PRRC2C: variants seen among roughly 807,000 people sequenced by gnomAD.
PRRC2C encodes the protein protein PRRC2C.
PRRC2C carries 72 observed loss-of-function variants against 317.2 expected under a neutral mutation model. The ratio of observed to expected loss-of-function variants is 0.23; its 90% CI spans 0.19 to 0.28. PRRC2C has a LOEUF of 0.28. PRRC2C is among the 10% of genes least tolerant of loss of function. The pLI, the probability that PRRC2C is intolerant of heterozygous loss-of-function variation, is 1.00. For synonymous variants in PRRC2C, 1,296 were observed against 1,205.9 expected (o/e 1.07, Z -1.55); for missense variants, 3,074 against 3,459.7 (o/e 0.89, Z 2.80).
intron 11 of PRRC2C, among the ~76,000 whole-genome samples, chr1:171,530,887 T>C (rs1675723964): frequency 6.6e-6 from 1 of 152,224 alleles, no homozygotes; most frequent in Admixed American, 6.5e-5. Flanking sequence ...GATTTTCACT[T>C]GTAGCTGTTT....
Position 171,541,902 on chromosome 1 carries a change from G to T in PRRC2C, c.4436G>T (p.Gly1479Val), listed in dbSNP as rs764433170. 188 of 1,613,718 alleles carry T rather than the reference G, an allele frequency of 1.2e-4. No homozygotes were observed. The East Asian group carries it at 2.5e-3, about 22-fold the overall frequency. Residue 1479 changes from glycine to valine, a missense_variant, in exon 16 of 35, where the codon GGG becomes GTG. Gly to Val is a moderately radical substitution (Grantham distance 109). Transcript: ENST00000647382. This position sits in a 1 kb window ranked among gnomAD's most constrained non-coding sequence, Gnocchi z 4.1. Reference sequence around the variant, plus strand: ...GTTAATACTCTTGGGGATATTTCCGGGAATAAGACACCAGATTTATCTAAT... The same window carrying T: ...GTTAATACTCTTGGGGATATTTCCGTGAATAAGACACCAGATTTATCTAAT... ...EPVNTLGDIS[G>V]NKTPDLSNQN...
At chr1:171,566,008 A>C (rs956116222) in intron 20 of PRRC2C, among the ~76,000 whole-genome samples, 4 of 152,218 alleles carry the variant, frequency 2.6e-5, no homozygotes, top group Admixed American at 6.5e-5. Flanking sequence ...GAGAGCCAGG[A>C]CTTTAAAAAC....
Position 171,512,570 on chromosome 1 carries a change from G to T in PRRC2C, c.112+370G>T, listed in dbSNP as rs182897398. ...GAAAGTCTTATGTTTCGTGTGTGGG[G>T]GTGTGTGTGTGTGTGTGTTAGATAC... On this transcript the variant is annotated intron_variant, in intron 2 of 34. Transcript: ENST00000647382. 1.9e-3 allele frequency: 482 copies of T among 251,928 alleles called. 4 individuals carry two copies. Among genetic ancestry groups the T allele is most frequent in the South Asian group, 0.013 (287 of 21,274 alleles). 15.6% of individuals were successfully genotyped at this position (251,928 alleles called of 1,614,324 possible). A position where few individuals can be genotyped will look rare whatever the true frequency, so the allele number is the denominator to read the frequency against.
In PRRC2C at chr1:171,532,945, A is replaced by G. The variant is rs2102428257; in HGVS notation, c.1857A>G (p.Glu619=). 1 of 1,555,306 alleles carries G rather than the reference A, an allele frequency of 6.4e-7. No homozygotes were observed. The highest frequency in any genetic ancestry group is 2.3e-5 in the East Asian group (1 of 44,170). Residue 619 remains glutamate, a synonymous_variant, in exon 12 of 35, where the codon GAA becomes GAG. Coordinates refer to ENST00000647382, the MANE Select transcript of PRRC2C (RefSeq NM_001387844.1). ...LEPMVEKQES[E]NSCNKEEEPV... The stretch of plus-strand genomic sequence containing the variant: ...CCATGGTAGAAAAACAAGAAAGTGA[A>G]AACAGCTGTAATAAAGGTTTGATAG...
At chr1:171,494,295 A>T (rs1409941157) in intron 1 of PRRC2C, among the ~76,000 whole-genome samples, 2 of 152,306 alleles carry the variant, frequency 1.3e-5, no homozygotes, top group Non-Finnish European at 2.9e-5. Flanking sequence ...GTTTCCAGGA[A>T]CAGCCTGAGC....
rs1681663663 is a variant in PRRC2C, at chr1:171,557,443, T to C, written c.5331T>C (p.Thr1777=). ...CAGCTCCACTTCCGGCAACCTTAAC[T>C]CCAGTTCCAGCCTCAACCTCAGCTC... ...STSAPLPATL[T]PVPASTSAPV... Residue 1777 remains threonine, a synonymous_variant, in exon 19 of 35, where the codon ACT becomes ACC. Transcript: ENST00000647382. 1.9e-6 allele frequency: 3 copies of C among 1,545,954 alleles called. No individual in the cohort carries two copies. The highest frequency in any genetic ancestry group is 2.6e-6 in the Non-Finnish European group (3 of 1,143,172).
At chr1:171,542,378 G>A (rs1678102431) in intron 16 of PRRC2C, 149 bp downstream of exon 16, 3 of 793,940 alleles carry the variant, frequency 3.8e-6, no homozygotes, top group East Asian at 2.8e-5. Context: ...TTCTCAAAGT[G>A]TAAGGGTGCT....
chr1:171,496,199 C>CTTTTTTTTTTTTTTTTTTTTTTTT (rs528654548), intron 1 of PRRC2C, among the ~76,000 whole-genome samples: 1 of 75,662 alleles, frequency 1.3e-5, no homozygotes, highest in Non-Finnish European at 2.2e-5. Context: ...ATTTTTGTGC[C>CTTTTTTTTTTTTTTTTTTTTTTTT]TTTTTTTTTT....
At chr1:171,494,893 A>G (rs1667846419) in intron 1 of PRRC2C, among the ~76,000 whole-genome samples, 1 of 152,102 alleles carries the variant, frequency 6.6e-6, no homozygotes, top group Non-Finnish European at 1.5e-5. Context: ...GGGATATCCA[A>G]GCTTATTTTC....
Position 171,523,371 on chromosome 1 carries a change from A to T in PRRC2C, c.967+17A>T. On this transcript the variant is annotated intron_variant, in intron 8 of 34. Transcript: ENST00000647382. ...GTTGGGCAGGTAAGAGGCAAAATTA[A>T]TTAAGTCCTTTAAATTGTTAGATGC... 1 of 1,613,910 alleles carries T rather than the reference A, an allele frequency of 6.2e-7. No homozygotes were observed. Among genetic ancestry groups the T allele is most frequent in the Non-Finnish European group, 8.5e-7 (1 of 1,179,856 alleles).
intron 5 of PRRC2C, 49 bp downstream of exon 5, chr1:171,515,908 A>G: frequency 1.3e-6 from 2 of 1,516,556 alleles, no homozygotes; most frequent in Non-Finnish European, 1.8e-6. Flanking sequence ...TTTGTGTATT[A>G]TCTTGCAATA....
At chr1:171,537,537 T>C (rs1677057016) in intron 15 of PRRC2C, 64 bp downstream of exon 15, 1 of 1,392,682 alleles carries the variant, frequency 7.2e-7, no homozygotes, top group Admixed American at 2.1e-5. Flanking sequence ...AACTGTGTAG[T>C]GTTTCTGAAG....
At chr1:171,501,617 A>G (rs922585125) in intron 1 of PRRC2C, among the ~76,000 whole-genome samples, 1 of 152,186 alleles carries the variant, frequency 6.6e-6, no homozygotes, top group Non-Finnish European at 1.5e-5. Flanking sequence ...AATGATTGAG[A>G]TTTTTAGATA....
At chr1:171,544,136 G>T (rs920467219) in intron 16 of PRRC2C, among the ~76,000 whole-genome samples, 8 of 151,856 alleles carry the variant, frequency 5.3e-5, no homozygotes, top group African/African-American at 1.9e-4. Context: ...TGAGGGCGTG[G>T]GTGAGGGACG....
rs771596309 is a variant in PRRC2C at position 171,524,856 on chromosome 1, A to G, written c.1091A>G (p.Glu364Gly). The part of the protein sequence containing the change: ...DQGSKASENN[E>G]NKKETDEVSN... The stretch of plus-strand genomic sequence containing the variant: ...GGTTCAAAAGCCTCTGAAAACAACG[A>G]AAACAAAAAAGAAACAGATGAAGTT... Residue 364 changes from glutamate to glycine, a missense_variant, in exon 10 of 35, where the codon GAA (glutamate) becomes GGA (glycine). Glu to Gly is a moderately conservative substitution (Grantham distance 98). Coordinates refer to ENST00000647382, the MANE Select transcript of PRRC2C (RefSeq NM_001387844.1). The G allele has an allele frequency of 6.3e-7, 1 of 1,590,460 alleles. No individual in the cohort carries two copies. The highest frequency in any genetic ancestry group is 1.1e-5 in the South Asian group (1 of 87,330).
In PRRC2C at chr1:171,579,122, A is replaced by T. The variant is rs565678004; in HGVS notation, c.7160-232A>T. Among the ~76,000 whole-genome samples the T allele has an allele frequency of 1.3e-4, 19 of 151,494 alleles. No homozygotes were observed. The East Asian group carries it at 3.5e-3, about 28-fold the overall frequency. On this transcript the variant is annotated intron_variant, in intron 26 of 34. Coordinates refer to ENST00000647382, the MANE Select transcript of PRRC2C (RefSeq NM_001387844.1). The stretch of plus-strand genomic sequence containing the variant: ...TCTATACCCCATTGGCGGTATATAA[A>T]TTTTTTTTTCATGCCTTCACAAGTA...
intron 10 of PRRC2C, among the ~76,000 whole-genome samples, chr1:171,526,059 G>A (rs1277527652): frequency 6.6e-6 from 1 of 152,150 alleles, no homozygotes; most frequent in Non-Finnish European, 1.5e-5. Flanking sequence ...GCATAATGGG[G>A]AATGAGAATT....
intron 29 of PRRC2C, 102 bp from the exon 30 acceptor site, chr1:171,584,314 CTAA>C: frequency 7.4e-7 from 1 of 1,346,724 alleles, no homozygotes; most frequent in Admixed American, 2.5e-5. Flanking sequence ...TTTCATTTAT[CTAA>C]TACTAAAAAT....
chr1:171,507,267 A>G (rs1025186582), intron 1 of PRRC2C, among the ~76,000 whole-genome samples: 1 of 152,152 alleles, frequency 6.6e-6, no homozygotes, highest in Non-Finnish European at 1.5e-5. Flanking sequence ...TCAGAGCAGT[A>G]TTTACATTAG....
Sources: allele counts gnomAD v4.1 joint callset (sites outside exome capture counted in the v4.1 genomes callset), GRCh38; gene constraint gnomAD v4.1.1; non-coding constraint Gnocchi (gnomAD v3.1); transcripts MANE v1.5; gene names NCBI Gene and HGNC (gene_info 2026-07-23, HGNC 2026-07-21).